The following DIAPH3 variants were observed in gnomAD, a reference collection of about 807,000 sequenced individuals.
The protein encoded by DIAPH3 is diaphanous related formin 3, also known as protein diaphanous homolog 3.
Under a neutral mutation model 144.3 loss-of-function variants are expected in DIAPH3, and 117 were observed. That is an observed-to-expected ratio of 0.81 (90% CI 0.70 to 0.95). DIAPH3 has a LOEUF of 0.95. DIAPH3 is among the 40% of genes least tolerant of loss of function. The pLI is 0.00. For synonymous variants in DIAPH3, 519 were observed against 488.9 expected, an observed-to-expected ratio of 1.06 and a Z score of -0.81; for missense variants, 1,421 against 1,412.7, an observed-to-expected ratio of 1.01 and a Z score of -0.09.
intron 9 of DIAPH3, among the ~76,000 whole-genome samples, chr13:60,001,448 G>A (rs891057929): frequency 6.6e-6 from 1 of 152,210 alleles, no homozygotes; most frequent in Non-Finnish European, 1.5e-5. Context: ...TGGACTGACT[G>A]TCTTCAGACA....
intron 27 of DIAPH3, among the ~76,000 whole-genome samples, chr13:59,752,113 A>T (rs777441507): frequency 6.6e-6 from 1 of 152,246 alleles, no homozygotes; most frequent in African/African-American, 2.4e-5. Flanking sequence ...ATAGAACTAA[A>T]TATTATCATC....
At chr13:60,152,739 T>C (rs1951850472) in intron 1 of DIAPH3, among the ~76,000 whole-genome samples, 2 of 152,052 alleles carry the variant, frequency 1.3e-5, no homozygotes, top group South Asian at 4.1e-4. Flanking sequence ...AAATATATTT[T>C]TTTAAAGATT....
At chr13:60,158,642 G>A (rs552747357) in intron 1 of DIAPH3, among the ~76,000 whole-genome samples, 1 of 152,234 alleles carries the variant, frequency 6.6e-6, no homozygotes, top group South Asian at 2.1e-4. Context: ...CCAGCTAAAA[G>A]GGGAGAAGCA....
At chr13:59,821,322 G>C (rs1201040959) in intron 24 of DIAPH3, among the ~76,000 whole-genome samples, 1 of 151,994 alleles carries the variant, frequency 6.6e-6, no homozygotes, top group Non-Finnish European at 1.5e-5. Context: ...GCTTAGGGTT[G>C]TTTAACCTTA....
chr13:59,813,457 T>C (rs1190523784), intron 24 of DIAPH3, among the ~76,000 whole-genome samples: 2 of 152,058 alleles, frequency 1.3e-5, no homozygotes, highest in Non-Finnish European at 2.9e-5. Context: ...GGCAGTAAGT[T>C]GCAAGATTTG....
At chr13:59,940,679 G>T (rs982125181) in intron 17 of DIAPH3, among the ~76,000 whole-genome samples, 2 of 151,872 alleles carry the variant, frequency 1.3e-5, no homozygotes, top group Non-Finnish European at 2.9e-5. Context: ...TTATCTAATG[G>T]ACAGTGGAAT....
intron 4 of DIAPH3, among the ~76,000 whole-genome samples, chr13:60,079,436 A>C (rs558040204): frequency 2.6e-5 from 4 of 152,150 alleles, no homozygotes; most frequent in South Asian, 4.1e-4. Context: ...AAAAGAAAGA[A>C]TATTATTAGG....
chr13:60,109,387 T>C (rs1248368365), intron 3 of DIAPH3, among the ~76,000 whole-genome samples: 2 of 152,116 alleles, frequency 1.3e-5, no homozygotes, highest in Admixed American at 1.3e-4. Flanking sequence ...AACCAATAGA[T>C]ACCTTAGGCC....
In DIAPH3 at chr13:60,084,031, T is replaced by C. The variant is rs548613331; in HGVS notation, c.495+9597A>G. ...ACAGATAGATAGATAGATAGATAGA[T>C]AGATAGATAGATAGATAGATAGATA... On this transcript the variant is annotated intron_variant, in intron 4 of 27. Transcript: ENST00000400324. 6.7e-4 allele frequency among the ~76,000 whole-genome samples: 102 copies of C among 151,768 alleles called. 1 individual carries two copies. The highest frequency in any genetic ancestry group is 2.2e-3 in the African/African-American group (92 of 41,324).
At chr13:60,103,799 T>C (rs1463644744) in intron 3 of DIAPH3, among the ~76,000 whole-genome samples, 1 of 152,226 alleles carries the variant, frequency 6.6e-6, no homozygotes, top group Non-Finnish European at 1.5e-5. Context: ...TTCCCTCTCT[T>C]GTGACAGAGC....
chr13:59,964,678 C>A (rs1187904007), intron 17 of DIAPH3, among the ~76,000 whole-genome samples: 3 of 152,100 alleles, frequency 2.0e-5, no homozygotes, highest in Admixed American at 6.5e-5. Context: ...TTCTTCCGCA[C>A]CCCAACAGAG....
intron 27 of DIAPH3, among the ~76,000 whole-genome samples, chr13:59,715,877 A>C (rs888652641): frequency 8.5e-5 from 13 of 152,048 alleles, no homozygotes; most frequent in Non-Finnish European, 1.9e-4. Context: ...CAGATAAAAC[A>C]TTTTTTTTAA....
At chr13:59,784,662 C>G (rs2038935745) in intron 25 of DIAPH3, among the ~76,000 whole-genome samples, 1 of 152,120 alleles carries the variant, frequency 6.6e-6, no homozygotes, top group African/African-American at 2.4e-5. Context: ...CAGGTGTGAG[C>G]CACCACGCCC....
intron 17 of DIAPH3, among the ~76,000 whole-genome samples, chr13:59,937,816 G>A (rs1418026683): frequency 1.3e-5 from 2 of 152,128 alleles, no homozygotes; most frequent in Admixed American, 1.3e-4. Context: ...AGGCAGGGGA[G>A]GGGACGGGAA....
chr13:59,679,026 A>G (rs1285072576), intron 27 of DIAPH3, among the ~76,000 whole-genome samples: 2 of 152,220 alleles, frequency 1.3e-5, no homozygotes, highest in Non-Finnish European at 2.9e-5. Flanking sequence ...GTCCTCTGCA[A>G]TCAAACTGCA....
At chr13:59,733,559 T>C (rs550831516) in intron 27 of DIAPH3, among the ~76,000 whole-genome samples, 1 of 152,328 alleles carries the variant, frequency 6.6e-6, no homozygotes, top group African/African-American at 2.4e-5. Context: ...AAGTAAAATT[T>C]GAAGAATAAT....
chr13:60,059,963 A>G (rs999039035), intron 4 of DIAPH3, among the ~76,000 whole-genome samples: 1 of 152,030 alleles, frequency 6.6e-6, no homozygotes. Flanking sequence ...AAATTAGGCA[A>G]TTTGTTTTCC....
At chr13:59,898,134 C>CAAAAA (rs34238599) in intron 20 of DIAPH3, among the ~76,000 whole-genome samples, 1,267 of 71,258 alleles carry the variant, frequency 0.018, no homozygotes, top group Middle Eastern at 0.038. Flanking sequence ...GACTCTGCCT[C>CAAAAA]AAAAAAAAAA....
At chr13:59,981,913 T>C (rs898688257) in intron 13 of DIAPH3, among the ~76,000 whole-genome samples, 4 of 151,496 alleles carry the variant, frequency 2.6e-5, no homozygotes, top group African/African-American at 9.7e-5. Context: ...CAGTATTTGT[T>C]CTCTAATCCT....
Sources: gnomAD v4.1 joint callset for allele counts (sites outside exome capture counted in the v4.1 genomes callset) on GRCh38, gnomAD v4.1.1 for gene constraint, MANE v1.5 for transcripts, NCBI Gene and HGNC (gene_info 2026-07-23, HGNC 2026-07-21) for gene names.